Variants in NTM observed in about 807,000 individuals in gnomAD.
NTM encodes neurotrimin.
Under a neutral mutation model 42.1 loss-of-function variants are expected in NTM, and 13 were observed. The observed-to-expected ratio is 0.31, with a 90% CI of 0.20 to 0.49. The LOEUF (loss-of-function observed/expected upper bound fraction) is 0.49. NTM is among the 20% of genes least tolerant of loss of function. NTM has a pLI of 0.99. For synonymous variants in NTM, 187 were observed against 179.2 expected (o/e 1.04, Z -0.35); for missense variants, 373 against 452.8 (o/e 0.82, Z 1.60).
At chr11:131,937,283 T>C (rs2059325956) in intron 2 of NTM, among the ~76,000 whole-genome samples, 1 of 152,250 alleles carries the variant, frequency 6.6e-6, no homozygotes, top group African/African-American at 2.4e-5. Context: ...AGTCATACTT[T>C]AGTTGAATTA....
chr11:131,464,825 G>A (rs1026024637), intron 1 of NTM, among the ~76,000 whole-genome samples: 2 of 152,180 alleles, frequency 1.3e-5, no homozygotes, highest in Non-Finnish European at 2.9e-5. Context: ...TAGAAAGTTG[G>A]TCGGATCCTC....
At chr11:132,077,738 G>A (rs1213075417) in intron 2 of NTM, among the ~76,000 whole-genome samples, 1 of 152,136 alleles carries the variant, frequency 6.6e-6, no homozygotes, top group Admixed American at 6.5e-5. Context: ...GAAGAACAAA[G>A]CATGAAAAAT....
At chr11:131,959,265 A>T (rs1417185771) in intron 2 of NTM, among the ~76,000 whole-genome samples, 6 of 152,182 alleles carry the variant, frequency 3.9e-5, no homozygotes, top group African/African-American at 1.4e-4. Flanking sequence ...GGACATAAAA[A>T]TCTGCCTTGT....
intron 1 of NTM, among the ~76,000 whole-genome samples, chr11:131,447,091 C>A (rs963489160): frequency 6.6e-6 from 1 of 152,220 alleles, no homozygotes; most frequent in Admixed American, 6.5e-5. Flanking sequence ...AAGGCTGCTG[C>A]TTATTAGCAT....
At chr11:132,047,360 T>C (rs991201955) in intron 2 of NTM, among the ~76,000 whole-genome samples, 1 of 152,242 alleles carries the variant, frequency 6.6e-6, no homozygotes, top group Admixed American at 6.5e-5. Flanking sequence ...ATTAACTAAA[T>C]AGTCTTTCAG....
intron 2 of NTM, among the ~76,000 whole-genome samples, chr11:131,950,154 G>T (rs1016352221): frequency 1.3e-5 from 2 of 152,120 alleles, no homozygotes; most frequent in African/African-American, 2.4e-5. Flanking sequence ...TCTGTCTTCA[G>T]TGCCACTTGC....
At chr11:132,083,824 TCA>T (rs1359028331) in intron 2 of NTM, among the ~76,000 whole-genome samples, 1 of 152,180 alleles carries the variant, frequency 6.6e-6, no homozygotes, top group East Asian at 1.9e-4. Context: ...ATAAGAATAC[TCA>T]CAGATAGTTT....
intron 1 of NTM, among the ~76,000 whole-genome samples, chr11:131,563,664 T>G (rs1034696507): frequency 6.7e-6 from 1 of 149,208 alleles, no homozygotes; most frequent in Non-Finnish European, 1.5e-5. Flanking sequence ...ACAATACCCT[T>G]GGATTGATTT....
intron 1 of NTM, among the ~76,000 whole-genome samples, chr11:131,587,781 T>A (rs1039559880): frequency 1.3e-5 from 2 of 152,050 alleles, no homozygotes; most frequent in Admixed American, 6.6e-5. Context: ...AGGAAGTAAG[T>A]AAGACAGGGG....
At chr11:132,114,684 A>G (rs1270142799) in intron 2 of NTM, among the ~76,000 whole-genome samples, 1 of 152,218 alleles carries the variant, frequency 6.6e-6, no homozygotes, top group Non-Finnish European at 1.5e-5. Flanking sequence ...GGTTGTTTCT[A>G]GGGGGAAGGA....
intron 2 of NTM, among the ~76,000 whole-genome samples, chr11:132,027,644 C>G (rs2075363911): frequency 6.6e-6 from 1 of 152,120 alleles, no homozygotes; most frequent in Admixed American, 6.5e-5. Context: ...TTGGTAAGCC[C>G]TCTTCCCCGA....
chr11:131,405,411 C>T (rs984927762), intron 1 of NTM, among the ~76,000 whole-genome samples: 2 of 135,864 alleles, frequency 1.5e-5, no homozygotes, highest in Non-Finnish European at 3.2e-5. Flanking sequence ...GTTAAGGGCA[C>T]ACTTCTAAAC....
chr11:131,954,377 C>T (rs932959184), intron 2 of NTM, among the ~76,000 whole-genome samples: 1 of 152,192 alleles, frequency 6.6e-6, no homozygotes, highest in Non-Finnish European at 1.5e-5. Context: ...AGTGAGGCTG[C>T]AGGCCAAGCC....
intron 1 of NTM, among the ~76,000 whole-genome samples, chr11:131,620,277 A>G (rs117544510): frequency 0.019 from 2,940 of 152,250 alleles, 38 homozygotes; most frequent in South Asian, 0.048. Flanking sequence ...CCTCATGTCT[A>G]CAGCTAAAAC....
intron 2 of NTM, among the ~76,000 whole-genome samples, chr11:131,967,279 G>A (rs118106897): frequency 2.0e-5 from 3 of 152,176 alleles, no homozygotes; most frequent in Admixed American, 6.5e-5. Context: ...GAGAATAGAA[G>A]AGGTCCAGGC....
chr11:132,279,403 C>T (rs1006750633), intron 4 of NTM, among the ~76,000 whole-genome samples: 26 of 152,176 alleles, frequency 1.7e-4, no homozygotes, highest in African/African-American at 6.0e-4. Flanking sequence ...GTTCATGTGA[C>T]TCTCGCTCCA....
chr11:131,763,707 C>CTTTTTTTTTTTTTTTTTTTTT (rs1443279848), intron 1 of NTM, among the ~76,000 whole-genome samples: 1 of 60,764 alleles, frequency 1.6e-5, no homozygotes, highest in African/African-American at 4.4e-5. Context: ...CCATCTCTCT[C>CTTTTTTTTTTTTTTTTTTTTT]TCTTTTTTTT....
chr11:131,404,383 G>T (rs146354635), intron 1 of NTM, among the ~76,000 whole-genome samples: 1 of 152,072 alleles, frequency 6.6e-6, no homozygotes, highest in Non-Finnish European at 1.5e-5. Context: ...GCATCGCGCC[G>T]TCCTGGCTTT....
At chr11:131,973,686 G>A (rs2063892670) in intron 2 of NTM, among the ~76,000 whole-genome samples, 1 of 152,168 alleles carries the variant, frequency 6.6e-6, no homozygotes, top group Admixed American at 6.5e-5. Flanking sequence ...ATGTGGTGGT[G>A]AGCGCCCGTA....
Sources: allele counts gnomAD v4.1 joint callset (sites outside exome capture counted in the v4.1 genomes callset), GRCh38; gene constraint gnomAD v4.1.1; transcripts MANE v1.5; gene names NCBI Gene and HGNC (gene_info 2026-07-23, HGNC 2026-07-21).